The following JMJD1C variants were observed in gnomAD, a reference collection of about 807,000 sequenced individuals.
The protein encoded by JMJD1C is jumonji domain-containing protein 1C.
A neutral mutation model predicts 245.3 loss-of-function variants in JMJD1C; 31 were observed. The observed-to-expected ratio is 0.13, with a 90% CI of 0.09 to 0.17. The LOEUF (loss-of-function observed/expected upper bound fraction) is 0.17, where lower values mean the gene tolerates loss of function less well. JMJD1C is among the 10% of genes least tolerant of loss of function. The pLI, the probability that JMJD1C is intolerant of heterozygous loss-of-function variation, is 1.00. For missense variants in JMJD1C, 2,691 were observed against 3,000.2 expected (o/e 0.90, Z 2.41); for synonymous variants, 1,057 against 1,017.4 (o/e 1.04, Z -0.74).
chr10:63,361,847 G>A (rs1300427321), intron 2 of JMJD1C, among the ~76,000 whole-genome samples: 1 of 150,998 alleles, frequency 6.6e-6, no homozygotes, highest in Non-Finnish European at 1.5e-5. Flanking sequence ...ACTTTTAAAT[G>A]TACTTAATTT....
At chr10:63,172,033 C>T (rs937828613) in intron 24 of JMJD1C, among the ~76,000 whole-genome samples, 2 of 152,188 alleles carry the variant, frequency 1.3e-5, no homozygotes, top group African/African-American at 4.8e-5. Flanking sequence ...CATTACACCC[C>T]ACAGGAGAGG....
At chr10:63,249,538 G>A (rs577524101) in intron 3 of JMJD1C, among the ~76,000 whole-genome samples, 8 of 152,144 alleles carry the variant, frequency 5.3e-5, no homozygotes, top group Non-Finnish European at 1.2e-4. Flanking sequence ...ATAGGTGGAA[G>A]AGAATAATTT....
intron 2 of JMJD1C, among the ~76,000 whole-genome samples, chr10:63,287,028 T>C (rs565115444): frequency 2.0e-5 from 3 of 152,074 alleles, no homozygotes; most frequent in African/African-American, 7.2e-5. Context: ...CCTGGCAACA[T>C]AGGGAGATCT....
intron 1 of JMJD1C, among the ~76,000 whole-genome samples, chr10:63,408,385 A>T (rs1372499438): frequency 1.3e-5 from 2 of 151,990 alleles, no homozygotes; most frequent in African/African-American, 4.8e-5. Context: ...CCTGGGCCAC[A>T]GGAGCAAAAC....
rs1170237925 is a variant in JMJD1C, at chr10:63,474,692, C to G, written n.113+47046G>C. 3.3e-5 allele frequency among the ~76,000 whole-genome samples: 5 copies of G among 152,172 alleles called. No individual in the cohort carries two copies. The East Asian group carries it at 7.7e-4, about 24-fold the overall frequency. Reference sequence around the variant, plus strand: ...TCTCAAATTCTGGCGTTACGCAATCCTCTCACCTTAGCCTCCCAAAGTGCT... The same window carrying G: ...TCTCAAATTCTGGCGTTACGCAATCGTCTCACCTTAGCCTCCCAAAGTGCT... On this transcript the variant is annotated intron_variant and non_coding_transcript_variant, in intron 1 of 3. Coordinates refer to the JMJD1C transcript ENST00000633035.
chr10:63,287,462 A>G (rs1858125106), intron 2 of JMJD1C, among the ~76,000 whole-genome samples: 1 of 152,270 alleles, frequency 6.6e-6, no homozygotes, highest in Non-Finnish European at 1.5e-5. Flanking sequence ...GAAAACAAAC[A>G]AACAAAACAA....
At position 63,198,629 on chromosome 10, in the gene JMJD1C, A is replaced by G. The variant is rs1473794674; in HGVS notation, c.5375T>C (p.Phe1792Ser). Residue 1792 changes from phenylalanine (F) to serine (S), a missense_variant, in exon 12 of 26, where the codon TTT becomes TCT. Around this residue, in one of 9 missense-constraint regions of JMJD1C, gnomAD observed 139 missense variants for 270.5 expected, o/e 0.51. Transcript: ENST00000399262. ...CTCTATATCTAGTTCATCATCTTCAAAATTTTCATGTGTCCACAAACTCAT... is the reference window on the plus strand; with the variant it reads ...CTCTATATCTAGTTCATCATCTTCAGAATTTTCATGTGTCCACAAACTCAT... ...EAMSLWTHEN[F>S]EDDELDIETS... 42 of 1,612,134 alleles carry G rather than the reference A, an allele frequency of 2.6e-5. No homozygotes were observed. Among genetic ancestry groups the G allele is most frequent in the Non-Finnish European group, 3.3e-5 (39 of 1,178,814 alleles).
Position 63,263,567 on chromosome 10 carries a change from T to G in JMJD1C, c.447+1084A>C, listed in dbSNP as rs1350254529. On this transcript the variant is annotated intron_variant, in intron 3 of 25. Transcript: ENST00000399262. The stretch of plus-strand genomic sequence containing the variant: ...TCATCCTTTCTTTCCATGCAATTAC[T>G]GTATTATTTTAAAACATCTGAGTAA... Among the ~76,000 whole-genome samples the G allele has an allele frequency of 2.0e-5, 3 of 152,310 alleles. No homozygotes were observed. The South Asian group carries it at 6.2e-4, about 32-fold the overall frequency.
Position 63,494,515 on chromosome 10 carries a change from G to A in JMJD1C, n.113+27223C>T. ...GAAATTAGAACATGGTAATAAATAA[G>A]TAAAAAAAATATTTTTAAGATTTCA... is the stretch of plus-strand genomic sequence containing the variant. On this transcript the variant is annotated intron_variant and non_coding_transcript_variant, in intron 1 of 3. Transcript: ENST00000633035. Among the ~76,000 whole-genome samples, 2 of 151,968 alleles carry A rather than the reference G, an allele frequency of 1.3e-5. 1 individual carries two copies. Among genetic ancestry groups the A allele is most frequent in the South Asian group, 4.2e-4 (2 of 4,812 alleles).
At chr10:63,470,704 T>A (rs1049586605), upstream of JMJD1C, among the ~76,000 whole-genome samples, 4 of 152,030 alleles carry the variant, frequency 2.6e-5, no homozygotes, top group Non-Finnish European at 4.4e-5. Context: ...TTTCTGACTA[T>A]CTTCTTGATG....
chr10:63,355,284 T>C (rs866386498), intron 2 of JMJD1C, among the ~76,000 whole-genome samples: 1 of 152,194 alleles, frequency 6.6e-6, no homozygotes, highest in Admixed American at 6.5e-5. Context: ...ACATCTTGCA[T>C]AGTTACAGTA....
At chr10:63,377,968 T>C (rs1946898144) in intron 2 of JMJD1C, among the ~76,000 whole-genome samples, 1 of 148,738 alleles carries the variant, frequency 6.7e-6, no homozygotes, top group Non-Finnish European at 1.5e-5. Flanking sequence ...AGAAAATATA[T>C]CAAAAATTAT....
At chr10:63,235,844 G>T (rs10761729) in intron 3 of JMJD1C, among the ~76,000 whole-genome samples, 3 of 151,892 alleles carry the variant, frequency 2.0e-5, no homozygotes, top group Non-Finnish European at 4.4e-5. Context: ...CTCTCTGCTA[G>T]GTTTTCAATA....
intron 1 of JMJD1C, among the ~76,000 whole-genome samples, 198 bp from the exon 2 acceptor site, chr10:63,380,680 A>C (rs2393969): frequency 0.42 from 64,577 of 152,072 alleles, 14,319 homozygotes; most frequent in South Asian, 0.53. Flanking sequence ...GAAACATTTC[A>C]AATCCTCTTC....
chr10:63,305,333 A>G (rs1289382914), intron 2 of JMJD1C, among the ~76,000 whole-genome samples: 1 of 146,214 alleles, frequency 6.8e-6, no homozygotes, highest in Non-Finnish European at 1.5e-5. Flanking sequence ...ATACCACTGC[A>G]CTCCAGCCTG....
At chr10:63,360,517 C>G (rs1945236472) in intron 2 of JMJD1C, among the ~76,000 whole-genome samples, 1 of 152,170 alleles carries the variant, frequency 6.6e-6, no homozygotes, top group Non-Finnish European at 1.5e-5. Context: ...CTTGGTAAGA[C>G]TAAACTTGCA....
chr10:63,171,539 CAGA>C (rs1374653756), intron 24 of JMJD1C, among the ~76,000 whole-genome samples: 2 of 152,220 alleles, frequency 1.3e-5, no homozygotes, highest in East Asian at 3.8e-4. Context: ...CCTTGTCATG[CAGA>C]ATCACTTGGT....
intron 1 of JMJD1C, among the ~76,000 whole-genome samples, chr10:63,389,765 GA>G (rs1947908955): frequency 6.6e-6 from 1 of 152,088 alleles, no homozygotes; most frequent in Admixed American, 6.5e-5. Context: ...CGAATACATG[GA>G]AAGTGAACAA....
rs370533547 is a variant in JMJD1C at position 63,215,349 on chromosome 10, C to T, written c.929G>A (p.Arg310His). ...ATCTGAGCCCTTCCTCTTATTTGGACGGATACTTCTTTGTTGCTGTTGCTG... is the reference window on the plus strand; with the variant it reads ...ATCTGAGCCCTTCCTCTTATTTGGATGGATACTTCTTTGTTGCTGTTGCTG... ...THQQQQQRSI[R>H]PNKRKGSDSS... Residue 310 changes from arginine to histidine, a missense_variant, in exon 7 of 26, where the codon CGT (arginine) becomes CAT (histidine). Physicochemically the swap from Arg to His is conservative, Grantham distance 29. This residue lies in a region of JMJD1C where 1,562 missense variants were observed against 1,490.7 expected (regional missense o/e 1.05). Transcript: ENST00000399262. 9.4e-5 allele frequency: 152 copies of T among 1,613,788 alleles called. No homozygotes were observed. Among genetic ancestry groups the T allele is most frequent in the Non-Finnish European group, 1.2e-4 (146 of 1,179,966 alleles).
Sources: gnomAD v4.1 joint callset for allele counts (sites outside exome capture counted in the v4.1 genomes callset) on GRCh38, gnomAD v4.1.1 for gene constraint, gnomAD v4.1.1 regional missense constraint, MANE v1.5 for transcripts, NCBI Gene and HGNC (gene_info 2026-07-23, HGNC 2026-07-21) for gene names.